Variants in ERBB4 observed in about 807,000 individuals in gnomAD.
ERBB4 encodes the protein receptor tyrosine-protein kinase erbB-4.
A neutral mutation model predicts 158.0 loss-of-function variants in ERBB4; 42 were observed. That is an observed-to-expected ratio of 0.27 (90% CI 0.21 to 0.34). The LOEUF is 0.34. ERBB4 is among the 10% of genes least tolerant of loss of function. The pLI is 1.00. For missense variants in ERBB4, 1,333 were observed against 1,624.1 expected (o/e 0.82, Z 3.08); for synonymous variants, 583 against 558.7 (o/e 1.04, Z -0.61).
intron 1 of ERBB4, among the ~76,000 whole-genome samples, chr2:212,453,627 G>C (rs1386505432): frequency 6.6e-6 from 1 of 152,024 alleles, no homozygotes; most frequent in Non-Finnish European, 1.5e-5. Flanking sequence ...TAGCAAACGA[G>C]GTATGCTTTT....
At chr2:212,261,605 AT>A (rs2084946975) in intron 1 of ERBB4, among the ~76,000 whole-genome samples, 1 of 152,174 alleles carries the variant, frequency 6.6e-6, no homozygotes. Context: ...GAAATAAGAG[AT>A]AAAGGCAAAG....
At chr2:211,576,232 G>A (rs2067889090) in intron 19 of ERBB4, among the ~76,000 whole-genome samples, 1 of 152,190 alleles carries the variant, frequency 6.6e-6, no homozygotes, top group Non-Finnish European at 1.5e-5. Context: ...TCAGGGGGCT[G>A]AGTCAAAGGA....
chr2:211,964,743 AAGAT>A (rs1021056091), intron 2 of ERBB4, among the ~76,000 whole-genome samples: 1 of 152,162 alleles, frequency 6.6e-6, no homozygotes, highest in Non-Finnish European at 1.5e-5. Flanking sequence ...AGTGTACAAA[AAGAT>A]AGATAAAACA....
At chr2:212,286,892 T>G (rs1362751055) in intron 1 of ERBB4, among the ~76,000 whole-genome samples, 2 of 149,942 alleles carry the variant, frequency 1.3e-5, no homozygotes, top group Non-Finnish European at 3.0e-5. Context: ...ATTACGGGCG[T>G]GAGCCACCGT....
chr2:211,523,285 C>T (rs1335217390), intron 20 of ERBB4, among the ~76,000 whole-genome samples: 4 of 146,686 alleles, frequency 2.7e-5, no homozygotes, highest in Admixed American at 7.1e-5. Flanking sequence ...GCCAATGCAA[C>T]CCCTCACACA....
chr2:212,216,650 A>C (rs1398348357), intron 1 of ERBB4, among the ~76,000 whole-genome samples: 1 of 151,474 alleles, frequency 6.6e-6, no homozygotes, highest in Admixed American at 6.6e-5. Context: ...GGTTAATATG[A>C]ACTCAAATAT....
chr2:212,343,969 T>C (rs2088847973), intron 1 of ERBB4, among the ~76,000 whole-genome samples: 1 of 152,184 alleles, frequency 6.6e-6, no homozygotes, highest in Non-Finnish European at 1.5e-5. Context: ...CATTTGTATA[T>C]AATTGCTTTA....
chr2:211,413,309 AACACACACACACACACACACACACAC>A (rs36108369), intron 25 of ERBB4, among the ~76,000 whole-genome samples: 1 of 94,558 alleles, frequency 1.1e-5, no homozygotes, highest in African/African-American at 3.8e-5. Context: ...CTGTCTTAAA[AACACACACACACACACACACACACAC>A]ACACACACAC....
intron 3 of ERBB4, among the ~76,000 whole-genome samples, chr2:211,930,148 A>G (rs937934154): frequency 5.9e-5 from 9 of 152,182 alleles, no homozygotes; most frequent in African/African-American, 2.2e-4. Flanking sequence ...TGTTTTATAA[A>G]CAACTTTTCT....
At chr2:211,737,149 C>T (rs1166538671) in intron 5 of ERBB4, among the ~76,000 whole-genome samples, 5 of 152,158 alleles carry the variant, frequency 3.3e-5, no homozygotes, top group Admixed American at 3.3e-4. Flanking sequence ...GCAGTAACAA[C>T]CAATGTCAAC....
intron 1 of ERBB4, among the ~76,000 whole-genome samples, chr2:212,275,721 A>G (rs574271870): frequency 1.3e-5 from 2 of 151,862 alleles, no homozygotes; most frequent in Non-Finnish European, 2.9e-5. Flanking sequence ...CCCTGCAACA[A>G]CATACCAAAC....
intron 2 of ERBB4, among the ~76,000 whole-genome samples, chr2:212,082,994 G>T (rs2078491618): frequency 6.6e-6 from 1 of 151,908 alleles, no homozygotes; most frequent in Admixed American, 6.6e-5. Flanking sequence ...ATGAACAAAT[G>T]AAGGAAGCTA....
In ERBB4 at chr2:212,373,930, C is replaced by CATGTATATATCTAT. The variant is rs1206958149; in HGVS notation, c.82+164518_82+164519insATAGATATATACAT. Among the ~76,000 whole-genome samples, 274 of 63,366 alleles carry CATGTATATATCTAT rather than the reference C, an allele frequency of 4.3e-3. 32 individuals are homozygous for CATGTATATATCTAT. The highest frequency in any genetic ancestry group is 0.034 in the Middle Eastern group (2 of 58). The allele number at this position is 63,366 out of a possible 152,430, so 41.6% of individuals were successfully genotyped here. ...ATGTATATATCCATATATATATATC[C>CATGTATATATCTAT]ATATATATCCATATATATATCATAT... On this transcript the variant is annotated intron_variant, in intron 1 of 27. Transcript: ENST00000342788.
chr2:211,785,768 T>TA (rs1256938374), intron 4 of ERBB4, among the ~76,000 whole-genome samples: 4 of 152,162 alleles, frequency 2.6e-5, no homozygotes, highest in African/African-American at 9.7e-5. Context: ...AATGTATGAA[T>TA]AAGCATATTA....
chr2:212,445,354 A>T (rs568579461), intron 1 of ERBB4, among the ~76,000 whole-genome samples: 31 of 152,292 alleles, frequency 2.0e-4, no homozygotes, highest in African/African-American at 7.2e-4. Context: ...ATCCACTAGC[A>T]AAATTTTTGC....
rs575315999 is a variant in ERBB4, at chr2:212,391,979, C to T, written c.82+146470G>A. Among the ~76,000 whole-genome samples, 6 of 151,382 alleles carry T rather than the reference C, an allele frequency of 4.0e-5. No homozygotes were observed. The South Asian group carries it at 8.3e-4, about 21-fold the overall frequency. ...AAAAGGATTATAGGTAAATGACCTA[C>T]TTTTTAGCTATTTAGGATGACTGAA... On this transcript the variant is annotated intron_variant, in intron 1 of 27. Transcript: ENST00000342788.
chr2:211,662,920 G>A (rs2071486118), intron 15 of ERBB4, among the ~76,000 whole-genome samples: 1 of 152,118 alleles, frequency 6.6e-6, no homozygotes, highest in African/African-American at 2.4e-5. Context: ...TAAAAGAAAA[G>A]GTGTTTTCCA....
chr2:211,690,274 T>G (rs1009495193), intron 12 of ERBB4, among the ~76,000 whole-genome samples: 22 of 152,044 alleles, frequency 1.4e-4, no homozygotes, highest in African/African-American at 5.3e-4. Flanking sequence ...ATCACGTTAT[T>G]TACTTTCAGG....
At chr2:211,574,555 A>G (rs1014929302) in intron 19 of ERBB4, among the ~76,000 whole-genome samples, 4 of 152,310 alleles carry the variant, frequency 2.6e-5, no homozygotes, top group Admixed American at 2.0e-4. Flanking sequence ...AGAGAAACAC[A>G]AAAGTGTCTG....
Sources: gnomAD v4.1 joint callset for allele counts (sites outside exome capture counted in the v4.1 genomes callset) on GRCh38, gnomAD v4.1.1 for gene constraint, MANE v1.5 for transcripts, NCBI Gene and HGNC (gene_info 2026-07-23, HGNC 2026-07-21) for gene names.